The following SLC14A2 variants were observed in gnomAD, a reference collection of about 807,000 sequenced individuals.
SLC14A2 encodes the protein solute carrier family 14 member 2, also known as urea transporter 2.
SLC14A2 carries 91 observed loss-of-function variants against 104.6 expected under a neutral mutation model. The ratio of observed to expected loss-of-function variants is 0.87; its 90% CI spans 0.73 to 1.04. The LOEUF is 1.04. Among genes scored for constraint, SLC14A2 ranks in the 50% least tolerant of loss-of-function variants. The pLI is 0.00. For synonymous variants in SLC14A2, 476 were observed against 466.4 expected (o/e 1.02, Z -0.27); for missense variants, 1,189 against 1,156.0 (o/e 1.03, Z -0.41).
chr18:45,510,426 C>T (rs1307996024), intron 2 of SLC14A2, among the ~76,000 whole-genome samples: 1 of 152,156 alleles, frequency 6.6e-6, no homozygotes, highest in Non-Finnish European at 1.5e-5. Context: ...CTCCTATACT[C>T]CCAGGCCCCT....
At chr18:45,294,948 A>G (rs1221634272) in intron 1 of SLC14A2, among the ~76,000 whole-genome samples, 1 of 152,250 alleles carries the variant, frequency 6.6e-6, no homozygotes, top group African/African-American at 2.4e-5. Flanking sequence ...ACTTTTTGAA[A>G]GCATACAACA....
At chr18:45,359,032 G>A (rs2085583900) in intron 1 of SLC14A2, among the ~76,000 whole-genome samples, 2 of 152,194 alleles carry the variant, frequency 1.3e-5, no homozygotes, top group Admixed American at 6.5e-5. Context: ...ATGGAAGCAA[G>A]GATTCCTACA....
Position 45,643,046 on chromosome 18 carries a change from T to C in SLC14A2, c.1127-86T>C. ...GGAGAGAGGGTGGGGCTCCTGTTCT[T>C]GGTCTGGGCTCCCTGGTCTGCAATG... On this transcript the variant is annotated intron_variant, in intron 8 of 19. Transcript: ENST00000255226. 2.5e-6 allele frequency: 3 copies of C among 1,215,874 alleles called. No homozygotes were observed. The Admixed American group carries it at 5.1e-5, about 21-fold the overall frequency. The allele number at this position is 1,215,874 out of a possible 1,614,324, so 75.3% of individuals were successfully genotyped here. A position where few individuals can be genotyped will look rare whatever the true frequency, so the allele number is the denominator to read the frequency against.
intron 1 of SLC14A2, among the ~76,000 whole-genome samples, chr18:45,392,691 C>A (rs866626770): frequency 1.3e-5 from 2 of 151,872 alleles, no homozygotes; most frequent in Non-Finnish European, 2.9e-5. Flanking sequence ...TTTAAAATTC[C>A]CACTTTGAAA....
At chr18:45,255,346 C>T (rs2084465959) in intron 1 of SLC14A2, among the ~76,000 whole-genome samples, 1 of 152,126 alleles carries the variant, frequency 6.6e-6, no homozygotes, top group Non-Finnish European at 1.5e-5. Context: ...GTTGATTTTG[C>T]ACAGCTGCAA....
At chr18:45,481,767 CTA>C (rs1244227536) in intron 1 of SLC14A2, among the ~76,000 whole-genome samples, 1 of 152,164 alleles carries the variant, frequency 6.6e-6, no homozygotes, top group Non-Finnish European at 1.5e-5. Flanking sequence ...TTCGTGAAGA[CTA>C]TGAGTATCAC....
At chr18:45,643,057 C>G in intron 8 of SLC14A2, 75 bp from the exon 9 acceptor site, 3 of 1,390,986 alleles carry the variant, frequency 2.2e-6, no homozygotes, top group Non-Finnish European at 3.1e-6. Flanking sequence ...GGTCTGGGCT[C>G]CCTGGTCTGC....
chr18:45,477,459 G>A (rs867605738), intron 1 of SLC14A2, among the ~76,000 whole-genome samples: 1 of 152,232 alleles, frequency 6.6e-6, no homozygotes, highest in Non-Finnish European at 1.5e-5. Context: ...AGGCATGGGG[G>A]TCAGGGACCC....
chr18:45,309,333 C>CT (rs34479081), intron 1 of SLC14A2, among the ~76,000 whole-genome samples: 18,162 of 144,498 alleles, frequency 0.13, 1,148 homozygotes, highest in South Asian at 0.15. Context: ...CTCAGAAGCA[C>CT]TTTTTTTTTT....
chr18:45,308,520 G>A (rs573297487), intron 1 of SLC14A2, among the ~76,000 whole-genome samples: 1 of 152,268 alleles, frequency 6.6e-6, no homozygotes, highest in East Asian at 1.9e-4. Flanking sequence ...GTGTGTAGCT[G>A]CCCCTCCTTT....
intron 2 of SLC14A2, among the ~76,000 whole-genome samples, chr18:45,512,711 G>A (rs533697713): frequency 2.0e-5 from 3 of 152,092 alleles, no homozygotes; most frequent in Admixed American, 6.6e-5. Context: ...CAGCCTCCCC[G>A]GGAGAGTCTG....
chr18:45,171,323 C>T, the SLC14A2 span, among the ~76,000 whole-genome samples: 2 of 151,476 alleles, frequency 1.3e-5, no homozygotes, highest in Non-Finnish European at 2.9e-5. Flanking sequence ...ATGTAAAAAC[C>T]TTTAGAAAAA....
chr18:45,632,222 A>G (rs1208625552), intron 4 of SLC14A2, 128 bp from the exon 5 acceptor site: 37 of 1,171,998 alleles, frequency 3.2e-5, no homozygotes, highest in Non-Finnish European at 4.2e-5. Flanking sequence ...CATTGAGCGA[A>G]CTGACTTTTT....
Position 45,474,153 on chromosome 18 carries a change from T to G in SLC14A2, c.-124-9080T>G, listed in dbSNP as rs34599635. On this transcript the variant is annotated intron_variant, in intron 1 of 20. Coordinates refer to the SLC14A2 transcript ENST00000586448. Reference sequence around the variant, plus strand: ...GAGATAATCATGTGGTTTTTGTCATTGATTCTGTTTATGTGATGGATTACG... The same window carrying G: ...GAGATAATCATGTGGTTTTTGTCATGGATTCTGTTTATGTGATGGATTACG... 2.0e-5 allele frequency among the ~76,000 whole-genome samples: 3 copies of G among 152,238 alleles called. No homozygotes were observed. The East Asian group carries it at 5.8e-4, about 29-fold the overall frequency.
chr18:45,659,411 T>C (rs954952695), intron 10 of SLC14A2, among the ~76,000 whole-genome samples: 1 of 152,202 alleles, frequency 6.6e-6, no homozygotes, highest in Non-Finnish European at 1.5e-5. Flanking sequence ...CAAAAGAGCT[T>C]AGGGTTTCAC....
intron 1 of SLC14A2, among the ~76,000 whole-genome samples, chr18:45,323,521 T>C (rs1373836044): frequency 6.6e-6 from 1 of 152,212 alleles, no homozygotes; most frequent in Non-Finnish European, 1.5e-5. Context: ...TTTTTTTCTC[T>C]CCTTCTTTTG....
At chr18:45,383,668 C>A (rs756036625) in intron 1 of SLC14A2, among the ~76,000 whole-genome samples, 1 of 152,182 alleles carries the variant, frequency 6.6e-6, no homozygotes, top group Non-Finnish European at 1.5e-5. Flanking sequence ...GTGTTCATAT[C>A]CTCATGATGC....
chr18:45,272,846 G>A (rs766543183), intron 1 of SLC14A2, among the ~76,000 whole-genome samples: 4 of 152,052 alleles, frequency 2.6e-5, no homozygotes, highest in Non-Finnish European at 5.9e-5. Context: ...TTGCATGCCT[G>A]TATCAAAATA....
At chr18:45,426,807 C>T (rs983061927) in intron 1 of SLC14A2, among the ~76,000 whole-genome samples, 3 of 151,852 alleles carry the variant, frequency 2.0e-5, no homozygotes, top group African/African-American at 7.3e-5. Context: ...AGTATTGTCC[C>T]AGGTTCCTGG....
Sources: allele counts gnomAD v4.1 joint callset (sites outside exome capture counted in the v4.1 genomes callset), GRCh38; gene constraint gnomAD v4.1.1; transcripts MANE v1.5; gene names NCBI Gene and HGNC (gene_info 2026-07-23, HGNC 2026-07-21).